ANKRD11: variants seen among roughly 807,000 people sequenced by gnomAD.
The protein encoded by ANKRD11 is ankyrin repeat domain-containing protein 11.
ANKRD11 carries 17 observed loss-of-function variants against 195.7 expected under a neutral mutation model. The ratio of observed to expected loss-of-function variants is 0.09; its 90% confidence interval spans 0.06 to 0.13. The LOEUF (loss-of-function observed/expected upper bound fraction) is 0.13, where lower values mean the gene tolerates loss of function less well. ANKRD11 is among the 10% of genes least tolerant of loss of function. The probability of loss-of-function intolerance (pLI) is 1.00; values close to 1 mark genes in which losing one functional copy is unlikely to be tolerated. For missense variants in ANKRD11, 3,735 were observed against 3,566.1 expected (o/e 1.05, Z -1.21); for synonymous variants, 1,953 against 1,528.1 (o/e 1.28, Z -6.49).
At position 89,283,058 on chromosome 16, in the gene ANKRD11, C is replaced by T. The variant is rs749473676; in HGVS notation, c.3484G>A (p.Asp1162Asn). ...TTGTCAGAAGACTTCCTGTGTCTGT[C>T]GGAGGCATAGGCCTCCCGTCCTTCC... ...KEEGREAYAS[D>N]RHRKSSDKQH... is the part of the protein sequence containing the mutation. Residue 1162 changes from aspartate (D) to asparagine (N), a missense_variant, in exon 9 of 13, where the codon GAC (aspartate) becomes AAC (asparagine). By Grantham distance (23) the Asp-to-Asn change is conservative (BLOSUM62 1). Coordinates refer to ENST00000301030, the MANE Select transcript of ANKRD11 (RefSeq NM_013275.6). This position sits in a 1 kb window ranked among gnomAD's most constrained non-coding sequence, Gnocchi z 4.3. 5.6e-6 allele frequency: 9 copies of T among 1,613,922 alleles called. No homozygotes were observed. The East Asian group carries it at 6.7e-5, about 12-fold the overall frequency.
At position 89,340,371 on chromosome 16, in the gene ANKRD11, G is replaced by A. The variant is rs180891180; in HGVS notation, c.-59-23293C>T. ...CGGCTCACTGCAACCTCCACCTCCC[G>A]GGTTCAAGCGGTTCTCCTGCAGCCC... On this transcript the variant is annotated intron_variant, in intron 2 of 12. Coordinates refer to ENST00000301030, the MANE Select transcript of ANKRD11 (RefSeq NM_013275.6). Among the ~76,000 whole-genome samples the A allele has an allele frequency of 3.4e-3, 515 of 152,298 alleles. 5 individuals carry two copies. The highest frequency in any genetic ancestry group is 0.018 in the South Asian group (86 of 4,830).
At chr16:89,462,687 T>G (rs1349020653) in intron 1 of ANKRD11, among the ~76,000 whole-genome samples, 5 of 142,244 alleles carry the variant, frequency 3.5e-5, no homozygotes, top group Admixed American at 2.8e-4. Flanking sequence ...CGGCCGCCCA[T>G]CGTCTGAGAT....
chr16:89,287,934 T>C, intron 7 of ANKRD11: 1 of 427,844 alleles, frequency 2.3e-6, no homozygotes, highest in Non-Finnish European at 4.1e-6. Context: ...TCCACGGAGC[T>C]CTGATGAAGA....
At chr16:89,363,823 G>A (rs999813028) in intron 2 of ANKRD11, among the ~76,000 whole-genome samples, 2 of 152,100 alleles carry the variant, frequency 1.3e-5, no homozygotes, top group African/African-American at 4.8e-5. Context: ...AGGAGGCTGC[G>A]GCAAGGAGGA....
chr16:89,330,297 C>T (rs913453815), intron 2 of ANKRD11, among the ~76,000 whole-genome samples: 1 of 152,072 alleles, frequency 6.6e-6, no homozygotes, highest in Non-Finnish European at 1.5e-5. Context: ...CCTGACAGCA[C>T]GCAGCTTCTG....
chr16:89,477,362 T>C (rs2057295480), intron 1 of ANKRD11, among the ~76,000 whole-genome samples: 1 of 151,928 alleles, frequency 6.6e-6, no homozygotes, highest in African/African-American at 2.4e-5. Context: ...GTAATTTCTT[T>C]TTTTTCTCTC....
At chr16:89,489,765 C>T (rs1201463703) in intron 1 of ANKRD11, among the ~76,000 whole-genome samples, 1 of 146,196 alleles carries the variant, frequency 6.8e-6, no homozygotes, top group Non-Finnish European at 1.5e-5. Context: ...CCCTCACGGC[C>T]GCTCCGAGCC....
intron 3 of ANKRD11, among the ~76,000 whole-genome samples, chr16:89,305,725 T>C (rs1426003609): frequency 1.3e-4 from 5 of 37,412 alleles, no homozygotes; most frequent in East Asian, 8.3e-4. Context: ...CACCTCCCAC[T>C]CCGCAGACAC....
chr16:89,424,146 G>A (rs2042624812), intron 1 of ANKRD11, among the ~76,000 whole-genome samples: 1 of 152,136 alleles, frequency 6.6e-6, no homozygotes, highest in Non-Finnish European at 1.5e-5. Flanking sequence ...TTGCAAGACT[G>A]CCATTAAAAA....
At chr16:89,464,620 A>AG (rs1168350007) in intron 1 of ANKRD11, among the ~76,000 whole-genome samples, 6 of 151,192 alleles carry the variant, frequency 4.0e-5, no homozygotes, top group South Asian at 2.1e-4. Context: ...AAAAAAAAAA[A>AG]AAAGAAAAGA....
rs959259378 is a variant in ANKRD11, at chr16:89,274,601, C to G, written c.7713+213G>C. 41 of 683,082 alleles carry G rather than the reference C, an allele frequency of 6.0e-5. No homozygotes were observed. In the African/African-American group the frequency reaches 6.2e-4, roughly 10 times the overall value. The allele number at this position is 683,082 out of a possible 1,614,324, so 42.3% of individuals were successfully genotyped here. On this transcript the variant is annotated intron_variant, in intron 11 of 12. Coordinates refer to ENST00000301030, the MANE Select transcript of ANKRD11 (RefSeq NM_013275.6). ...AGCCCAGTGGCCTGAGGGCCTTGCC[C>G]GTGCGGGGAGCTGTCTGCTGTCTGC...
chr16:89,473,479 C>T (rs917479724), intron 1 of ANKRD11, among the ~76,000 whole-genome samples: 2 of 152,188 alleles, frequency 1.3e-5, no homozygotes, highest in African/African-American at 2.4e-5. Flanking sequence ...GTGGGAAATG[C>T]AAGGCATAGG....
intron 4 of ANKRD11, among the ~76,000 whole-genome samples, chr16:89,293,679 G>C (rs1033363267): frequency 1.4e-5 from 2 of 140,914 alleles, no homozygotes; most frequent in Non-Finnish European, 3.1e-5. Flanking sequence ...GCAGAGGGAG[G>C]AGCTGGGGCA....
In ANKRD11 at chr16:89,279,332, T is replaced by C. The variant is rs763041579; in HGVS notation, c.7210A>G (p.Thr2404Ala). The C allele has an allele frequency of 2.5e-6, 4 of 1,611,554 alleles. No individual in the cohort carries two copies. Among genetic ancestry groups the C allele is most frequent in the South Asian group, 1.1e-5 (1 of 90,916 alleles). ...TGGATCACCTCCCGCGTCTGCTGCG[T>C]GGACGTGTTCAGCTGCTGCTGCAGC... ...QQLQQQLNTS[T>A]QQTREVIQQT... is the part of the protein sequence containing the mutation. The change falls in exon 9 of 13, where the codon ACG becomes GCG. Residue 2404 changes from threonine (T) to alanine (A), a missense_variant. Physicochemically the swap from Thr to Ala is moderately conservative, Grantham distance 58. Coordinates refer to ENST00000301030, the MANE Select transcript of ANKRD11 (RefSeq NM_013275.6). The surrounding 1 kb of genome is among the most constrained non-coding windows in gnomAD (Gnocchi z 5.6).
intron 2 of ANKRD11, among the ~76,000 whole-genome samples, chr16:89,395,215 A>T (rs1255244555): frequency 6.6e-6 from 1 of 152,262 alleles, no homozygotes; most frequent in Non-Finnish European, 1.5e-5. Flanking sequence ...CAGCGTCTTA[A>T]CAGAAAGAAT....
intron 1 of ANKRD11, among the ~76,000 whole-genome samples, chr16:89,433,225 C>A (rs1316954221): frequency 6.6e-6 from 1 of 152,186 alleles, no homozygotes; most frequent in Non-Finnish European, 1.5e-5. Flanking sequence ...AAGAGGGTTT[C>A]ATGACAAGGC....
chr16:89,414,824 T>A (rs2042230387), intron 2 of ANKRD11, among the ~76,000 whole-genome samples: 1 of 152,174 alleles, frequency 6.6e-6, no homozygotes, highest in Non-Finnish European at 1.5e-5. Flanking sequence ...CACAGCACCG[T>A]GTACTGAAGA....
intron 1 of ANKRD11, among the ~76,000 whole-genome samples, chr16:89,479,635 CA>C (rs11383887): frequency 1.4e-5 from 2 of 144,750 alleles, no homozygotes; most frequent in Non-Finnish European, 3.0e-5. Flanking sequence ...ACTCCGCCCC[CA>C]AAAAAAATTA....
intron 1 of ANKRD11, among the ~76,000 whole-genome samples, chr16:89,441,918 C>T (rs893246502): frequency 1.3e-5 from 2 of 152,146 alleles, no homozygotes; most frequent in South Asian, 2.1e-4. Flanking sequence ...CACCTTCCCC[C>T]ATCATCCATG....
Sources: allele counts gnomAD v4.1 joint callset (sites outside exome capture counted in the v4.1 genomes callset), GRCh38; gene constraint gnomAD v4.1.1; non-coding constraint Gnocchi (gnomAD v3.1); transcripts MANE v1.5; gene names NCBI Gene and HGNC (gene_info 2026-07-23, HGNC 2026-07-21).